The following ABTB1 variants were observed in gnomAD, a reference collection of about 807,000 sequenced individuals.
ABTB1 encodes ankyrin repeat and BTB domain containing 1.
Under a neutral mutation model 57.1 loss-of-function variants are expected in ABTB1, and 45 were observed. The observed-to-expected ratio is 0.79, with a 90% CI of 0.62 to 1.01. The LOEUF (loss-of-function observed/expected upper bound fraction) is 1.01, where lower values mean the gene tolerates loss of function less well. Among genes scored for constraint, ABTB1 ranks in the 50% least tolerant of loss-of-function variants. ABTB1 has a pLI of 0.00. For missense variants in ABTB1, 630 were observed against 666.3 expected, an observed-to-expected ratio of 0.95 and a Z score of 0.60; for synonymous variants, 302 against 275.4, an observed-to-expected ratio of 1.10 and a Z score of -0.95.
chr3:127,673,014 ATCC>A lies in ABTB1; in HGVS notation c.-8_-6del. The A allele has an allele frequency of 6.4e-7, 1 of 1,561,236 alleles. No individual in the cohort carries two copies. The highest frequency in any genetic ancestry group is 1.7e-4 in the Middle Eastern group (1 of 5,900). ...CCCGAGGTCGTTCGGCTCGGGTACC[ATCC>A]TCCGCGCCATGGACACCAGCGACCT... On this transcript the variant is annotated 5_prime_UTR_variant, in exon 1 of 12. Coordinates refer to ENST00000232744, the MANE Select transcript of ABTB1 (RefSeq NM_172027.3).
At chr3:127,673,669 TCTTGGCC>T (rs1438191119) in intron 1 of ABTB1, 1 of 153,690 alleles carries the variant, frequency 6.5e-6, no homozygotes, top group Non-Finnish European at 1.4e-5. Flanking sequence ...CCTCCTTTTT[TCTTGGCC>T]CTTCCTCCCC....
In ABTB1 at chr3:127,677,283, C is replaced by G. The variant is rs370481388; in HGVS notation, c.759C>G (p.Leu253=). 612 of 1,590,722 alleles carry G rather than the reference C, an allele frequency of 3.8e-4. 1 individual carries two copies. Among genetic ancestry groups the G allele is most frequent in the Non-Finnish European group, 5.0e-4 (581 of 1,169,538 alleles). The change falls in exon 8 of 12, where the codon CTC becomes CTG. Residue 253 remains leucine (L), a synonymous_variant. Transcript: ENST00000232744. The stretch of plus-strand genomic sequence containing the variant: ...CCGATTGTGCCCTGCCCCCCGAGCT[C>G]CGAGTAAGTGCGGGGCTGGTGGGCA... ...LLADCALPPE[L]RGDLWELPFP...
In ABTB1 at chr3:127,677,806, C is replaced by T. The variant is rs1248055838; in HGVS notation, c.992C>T (p.Thr331Ile). 4 of 1,612,630 alleles carry T rather than the reference C, an allele frequency of 2.5e-6. No homozygotes were observed. The highest frequency in any genetic ancestry group is 3.4e-6 in the Non-Finnish European group (4 of 1,179,702). Residue 331 changes from threonine (T) to isoleucine (I), a missense_variant, in exon 10 of 12, where the codon ACT becomes ATT. This residue lies in a region of ABTB1 where 579 missense variants were observed against 585.9 expected (regional missense o/e 0.99). Transcript: ENST00000232744. ...CATGGCATCTCACCCGACGTCTTCACTCACGTGCTCTACTACATGTACAGC... is the reference window on the plus strand; with the variant it reads ...CATGGCATCTCACCCGACGTCTTCATTCACGTGCTCTACTACATGTACAGC... ...TLHGISPDVF[T>I]HVLYYMYSDH... is the part of the protein sequence containing the mutation.
In ABTB1 at chr3:127,677,678, C is replaced by T; in HGVS notation, c.864C>T (p.Ala288=). 1 of 1,611,266 alleles carries T rather than the reference C, an allele frequency of 6.2e-7. No individual in the cohort carries two copies. ...VAGCSFLCHK[A]FFCGRSDYFR... is the part of the protein sequence containing the mutation. The stretch of plus-strand genomic sequence containing the variant: ...TTCCTGAGCCCGGCCTCCCCCAGGC[C>T]TTTTTCTGTGGCCGCAGTGACTACT... The change falls in exon 10 of 12, where the codon GCC becomes GCT. Residue 288 remains alanine, a splice_region_variant and synonymous_variant. Coordinates refer to ENST00000232744, the MANE Select transcript of ABTB1 (RefSeq NM_172027.3).
chr3:127,675,620 T>C (rs2074962192), intron 3 of ABTB1: 2 of 294,052 alleles, frequency 6.8e-6, no homozygotes, highest in African/African-American at 4.2e-5. Context: ...GGTAGTGGGT[T>C]GATTGTCCTG....
chr3:127,680,053 G>A lies in ABTB1; in HGVS notation c.1098G>A (p.Arg366=). ...TGTACCTGCTGCCAGGCCTGAAGAG[G>A]CTGTGCGGCCGCAGCCTGGCTCAGA... is the stretch of plus-strand genomic sequence containing the variant. The part of the protein sequence containing the change: ...ADMYLLPGLK[R]LCGRSLAQML... The change falls in exon 11 of 12, where the codon AGG becomes AGA. Residue 366 remains arginine, a synonymous_variant. Transcript: ENST00000232744. 6.2e-7 allele frequency: 1 copy of A among 1,613,840 alleles called. No homozygotes were observed. The highest frequency in any genetic ancestry group is 1.3e-5 in the African/African-American group (1 of 75,070).
chr3:127,676,721 T>C lies in ABTB1; in HGVS notation c.526+140T>C. 1.7e-6 allele frequency: 2 copies of C among 1,154,894 alleles called. No homozygotes were observed. Among genetic ancestry groups the C allele is most frequent in the Non-Finnish European group, 2.5e-6 (2 of 807,288 alleles). The allele number at this position is 1,154,894 out of a possible 1,614,324, so 71.5% of individuals were successfully genotyped here. A position where few individuals can be genotyped will look rare whatever the true frequency, so the allele number is the denominator to read the frequency against. ...GGGGTGGTTCCAGCTGCCTCTCGGG[T>C]TGGGTTGCAAGAGAGAGGACTAGTG... On this transcript the variant is annotated intron_variant, in intron 6 of 11. Transcript: ENST00000232744. This position sits in a 1 kb window ranked among gnomAD's most constrained non-coding sequence, Gnocchi z 5.4.
At chr3:127,674,729 C>T in intron 3 of ABTB1, 129 bp downstream of exon 3, 1 of 1,137,612 alleles carries the variant, frequency 8.8e-7, no homozygotes, top group Non-Finnish European at 1.3e-6. Flanking sequence ...CCTCTCTTAC[C>T]ACCCAGTCGA....
At chr3:127,673,888 C>T (rs2074911874) in intron 1 of ABTB1, among the ~76,000 whole-genome samples, 1 of 152,228 alleles carries the variant, frequency 6.6e-6, no homozygotes, top group Non-Finnish European at 1.5e-5. Context: ...AGTGGGGCTG[C>T]ATTAGCATTG....
At chr3:127,679,703 C>G in intron 10 of ABTB1, 1 of 565,188 alleles carries the variant, frequency 1.8e-6, no homozygotes, top group Non-Finnish European at 3.3e-6. Context: ...GGAGCTCAGA[C>G]CCTGGCTCCT....
rs776647759 is a variant in ABTB1, at chr3:127,680,340, G to T, written c.1302G>T (p.Thr434=). The T allele has an allele frequency of 6.2e-7, 1 of 1,610,010 alleles. No individual in the cohort carries two copies. Among genetic ancestry groups the T allele is most frequent in the East Asian group, 2.2e-5 (1 of 44,680 alleles). ...EAAAVAARQE[T]DSIPLVDDIR... ...CGGCTGTGGCAGCCCGGCAGGAGAC[G>T]GACTCTATCCCGCTGGTGGACGACA... is the stretch of plus-strand genomic sequence containing the variant. The change falls in exon 12 of 12, where the codon ACG becomes ACT. Residue 434 remains threonine, a synonymous_variant. Transcript: ENST00000232744.
rs763165654 is a variant in ABTB1 at position 127,673,089 on chromosome 3, C to T, written c.56+8C>T. On this transcript the variant is annotated splice_region_variant and intron_variant, in intron 1 of 11. Transcript: ENST00000232744. Reference sequence around the variant, plus strand: ...GGATGTGGGCCGAGTGCGGTGAGGACCTCGCAGTCCCGGGGAGGGTGCGGG... The same window carrying T: ...GGATGTGGGCCGAGTGCGGTGAGGATCTCGCAGTCCCGGGGAGGGTGCGGG... 1 of 1,556,976 alleles carries T rather than the reference C, an allele frequency of 6.4e-7. No individual in the cohort carries two copies.
intron 10 of ABTB1, chr3:127,679,338 T>C (rs2107560275): frequency 2.9e-6 from 1 of 348,874 alleles, no homozygotes. Flanking sequence ...GGCACATGGC[T>C]TGTAATGTGG....
Position 127,676,394 on chromosome 3 carries a change from G to T in ABTB1, c.443G>T (p.Trp148Leu). Residue 148 changes from tryptophan (W) to leucine (L), a missense_variant, in exon 5 of 12, where the codon TGG (tryptophan) becomes TTG (leucine). By Grantham distance (61) the Trp-to-Leu change is moderately conservative (BLOSUM62 -2). Coordinates refer to ENST00000232744, the MANE Select transcript of ABTB1 (RefSeq NM_172027.3). This position sits in a 1 kb window ranked among gnomAD's most constrained non-coding sequence, Gnocchi z 5.4. ...AYFANMLDTK[W>L]KGKSVVVLRH... ...TTTGCCAACATGCTGGACACCAAAT[G>T]GAAGGGCAAGAGTGTCGTGGTTCTC... The T allele has an allele frequency of 6.2e-7, 1 of 1,614,170 alleles. No individual in the cohort carries two copies. The highest frequency in any genetic ancestry group is 8.5e-7 in the Non-Finnish European group (1 of 1,180,000).
intron 8 of ABTB1, 45 bp downstream of exon 8, chr3:127,677,331 G>A: frequency 6.4e-7 from 1 of 1,563,612 alleles, no homozygotes; most frequent in Non-Finnish European, 8.7e-7. Flanking sequence ...TGGGATGGCA[G>A]GCCGTGACAG....
Position 127,676,243 on chromosome 3 carries a change from A to G in ABTB1, c.321-29A>G, listed in dbSNP as rs766566477. 3.7e-6 allele frequency: 6 copies of G among 1,606,940 alleles called. No individual in the cohort carries two copies. The highest frequency in any genetic ancestry group is 5.1e-6 in the Non-Finnish European group (6 of 1,174,854). ...GGAATGGGGTGGGGCTGTGCCAAGT[A>G]TCCTCCCTCCTGGCTTGTCCCTCCC... On this transcript the variant is annotated intron_variant, in intron 4 of 11. Transcript: ENST00000232744. The surrounding 1 kb of genome is among the most constrained non-coding windows in gnomAD (Gnocchi z 5.4).
Position 127,680,310 on chromosome 3 carries a change from G to A in ABTB1, c.1272G>A (p.Glu424=), listed in dbSNP as rs768942536. ...REDFVEAVKE[E]AAAVAARQET... ...ACTTCGTGGAGGCGGTGAAGGAGGAGGCAGCGGCTGTGGCAGCCCGGCAGG... is the reference window on the plus strand; with the variant it reads ...ACTTCGTGGAGGCGGTGAAGGAGGAAGCAGCGGCTGTGGCAGCCCGGCAGG... The change falls in exon 12 of 12, where the codon GAG becomes GAA. Residue 424 remains glutamate, a synonymous_variant. Coordinates refer to ENST00000232744, the MANE Select transcript of ABTB1 (RefSeq NM_172027.3). 6.8e-6 allele frequency: 11 copies of A among 1,612,592 alleles called. No individual in the cohort carries two copies.
At chr3:127,675,811 C>CT (rs2074967469) in intron 3 of ABTB1, 159 bp from the exon 4 acceptor site, 2 of 935,372 alleles carry the variant, frequency 2.1e-6, no homozygotes, top group African/African-American at 1.7e-5. Flanking sequence ...TAGCCCTTGA[C>CT]TGGGAGGGTG....
intron 10 of ABTB1, 126 bp downstream of exon 10, chr3:127,677,969 C>T: frequency 8.0e-7 from 1 of 1,248,592 alleles, no homozygotes; most frequent in Non-Finnish European, 1.1e-6. Context: ...TTTGAGAAGG[C>T]TGGAGGGGAA....
Sources: allele counts gnomAD v4.1 joint callset (sites outside exome capture counted in the v4.1 genomes callset), GRCh38; gene constraint gnomAD v4.1.1; regional missense constraint gnomAD v4.1.1; non-coding constraint Gnocchi (gnomAD v3.1); transcripts MANE v1.5; gene names NCBI Gene and HGNC (gene_info 2026-07-23, HGNC 2026-07-21).